ANKRD28: variants seen among roughly 807,000 people sequenced by gnomAD.
The protein encoded by ANKRD28 is ankyrin repeat domain 28, also known as serine/threonine-protein phosphatase 6 regulatory ankyrin repeat subunit A.
A neutral mutation model predicts 126.5 loss-of-function variants in ANKRD28; 44 were observed. That is an observed-to-expected ratio of 0.35 (90% CI 0.27 to 0.45). The LOEUF is 0.45. ANKRD28 is among the 20% of genes least tolerant of loss of function. The pLI is 1.00. For missense variants in ANKRD28, 1,110 were observed against 1,316.6 expected (o/e 0.84, Z 2.43); for synonymous variants, 442 against 468.5 (o/e 0.94, Z 0.73).
intron 8 of ANKRD28, among the ~76,000 whole-genome samples, chr3:15,715,752 T>C (rs1048266391): frequency 1.3e-5 from 2 of 152,192 alleles, no homozygotes; most frequent in East Asian, 3.8e-4. Flanking sequence ...TACATCTTAC[T>C]GGTCTGTTGT....
chr3:15,859,676 C>T (rs1464790030), exon 1 of ANKRD28: 1 of 158,230 alleles, frequency 6.3e-6, no homozygotes, highest in Non-Finnish European at 1.4e-5. Context: ...TCCTTCCTTT[C>T]TTTCTCCTTC....
At chr3:15,784,906 A>C (rs186962372) in intron 2 of ANKRD28, among the ~76,000 whole-genome samples, 38 of 152,162 alleles carry the variant, frequency 2.5e-4, no homozygotes, top group Admixed American at 2.5e-3. Flanking sequence ...GTCCAATATA[A>C]CTATTTTGGA....
intron 4 of ANKRD28, among the ~76,000 whole-genome samples, chr3:15,749,533 C>A (rs949857522): frequency 2.0e-5 from 3 of 152,172 alleles, no homozygotes; most frequent in African/African-American, 7.2e-5. Context: ...GCATCCATTG[C>A]TGGTGAGCTG....
chr3:15,762,700 G>C (rs150802813), intron 3 of ANKRD28, among the ~76,000 whole-genome samples: 109 of 151,872 alleles, frequency 7.2e-4, no homozygotes, highest in African/African-American at 2.4e-3. Flanking sequence ...GATAATTCCT[G>C]ATATCAAGGA....
intron 2 of ANKRD28, among the ~76,000 whole-genome samples, chr3:15,794,254 AATTC>A (rs1478355900): frequency 6.6e-6 from 1 of 152,154 alleles, no homozygotes; most frequent in African/African-American, 2.4e-5. Flanking sequence ...CTATTCAGAT[AATTC>A]ATTATTTTAA....
rs1243019829 is a variant in ANKRD28, at chr3:15,817,787, T to C, written c.28-22481A>G. Among the ~76,000 whole-genome samples the C allele has an allele frequency of 6.6e-6, 1 of 152,118 alleles. No homozygotes were observed. The highest frequency in any genetic ancestry group is 6.5e-5 in the Admixed American group (1 of 15,272). On this transcript the variant is annotated intron_variant, in intron 1 of 27. Coordinates refer to the ANKRD28 transcript ENST00000399451. This position sits in a 1 kb window ranked among gnomAD's most constrained non-coding sequence, Gnocchi z 4.5. Reference sequence around the variant, plus strand: ...CATATTGAAAGAAAGAGCACTGCCATAAGGGTAGAAGGAATAAGGGATATA... The same window carrying C: ...CATATTGAAAGAAAGAGCACTGCCACAAGGGTAGAAGGAATAAGGGATATA...
rs182701228 is a variant in ANKRD28 at position 15,818,063 on chromosome 3, T to C, written c.28-22757A>G. 2.1e-3 allele frequency among the ~76,000 whole-genome samples: 325 copies of C among 152,282 alleles called. 2 individuals carry two copies. The highest frequency in any genetic ancestry group is 3.7e-3 in the Non-Finnish European group (255 of 68,016). ...AATTCAACAAAATATGTACAGATTA[T>C]GTATGCTGAAAATCACAAAATACTG... is the stretch of plus-strand genomic sequence containing the variant. On this transcript the variant is annotated intron_variant, in intron 1 of 27. Coordinates refer to the ANKRD28 transcript ENST00000399451.
intron 12 of ANKRD28, 50 bp downstream of exon 12, chr3:15,711,161 G>T: frequency 1.4e-6 from 2 of 1,429,696 alleles, no homozygotes; most frequent in Non-Finnish European, 9.7e-7. Context: ...GAGAAAACCT[G>T]CCATGACCAG....
intron 1 of ANKRD28, among the ~76,000 whole-genome samples, chr3:15,850,204 A>AAAAAAATAT (rs1486394619): frequency 3.6e-5 from 2 of 54,830 alleles, no homozygotes; most frequent in African/African-American, 1.2e-4. Flanking sequence ...AAAAAAAAAA[A>AAAAAAATAT]ATATATATAT....
chr3:15,783,954 G>T (rs1255701142), intron 2 of ANKRD28, among the ~76,000 whole-genome samples: 1 of 151,714 alleles, frequency 6.6e-6, no homozygotes, highest in Non-Finnish European at 1.5e-5. Flanking sequence ...CCCACACAGG[G>T]GCTAAGATAA....
rs1034059058 is a variant in ANKRD28, at chr3:15,797,344, A to C, written c.-823T>G. 1.9e-5 allele frequency: 19 copies of C among 985,420 alleles called. No individual in the cohort carries two copies. The highest frequency in any genetic ancestry group is 2.2e-5 in the Non-Finnish European group (18 of 829,934). The allele number at this position is 985,420 out of a possible 1,614,324, so 61.0% of individuals were successfully genotyped here. A position where few individuals can be genotyped will look rare whatever the true frequency, so the allele number is the denominator to read the frequency against. The stretch of plus-strand genomic sequence containing the variant: ...TAATCCAGGTTTCCCATATAATAGA[A>C]GAAACACAGTTAGCTTTATTCCCAT... On this transcript the variant is annotated 5_prime_UTR_variant, in exon 1 of 28. Transcript: ENST00000683139.
upstream of ANKRD28, among the ~76,000 whole-genome samples, chr3:15,800,362 C>A (rs142024854): frequency 1.1e-3 from 168 of 152,190 alleles, 2 homozygotes; most frequent in Non-Finnish European, 6.8e-4. Context: ...ATTTAGTAAC[C>A]TCTCTGTGCT....
chr3:15,825,717 A>G (rs2061050936), intron 1 of ANKRD28, among the ~76,000 whole-genome samples: 1 of 152,192 alleles, frequency 6.6e-6, no homozygotes, highest in African/African-American at 2.4e-5. Flanking sequence ...GGTATAACAA[A>G]ACCAATAAAA....
intron 1 of ANKRD28, 147 bp downstream of exon 1, chr3:15,796,258 C>G: frequency 3.2e-6 from 1 of 310,510 alleles, no homozygotes; most frequent in Non-Finnish European, 5.3e-6. Flanking sequence ...GCATTTTATA[C>G]AAAAATACTG....
At chr3:15,823,578 G>A (rs956699426) in intron 1 of ANKRD28, among the ~76,000 whole-genome samples, 11 of 152,046 alleles carry the variant, frequency 7.2e-5, no homozygotes, top group Admixed American at 7.2e-4. Flanking sequence ...ATTTCTTGAG[G>A]CCAAAACTAG....
At chr3:15,677,935 C>G (rs2067123551) in intron 24 of ANKRD28, among the ~76,000 whole-genome samples, 1 of 152,116 alleles carries the variant, frequency 6.6e-6, no homozygotes, top group Admixed American at 6.5e-5. Context: ...GGTCATTTAG[C>G]TGAAAGATCT....
intron 3 of ANKRD28, among the ~76,000 whole-genome samples, chr3:15,764,782 T>C (rs1158967819): frequency 1.3e-5 from 2 of 152,184 alleles, no homozygotes; most frequent in East Asian, 1.9e-4. Context: ...AAATTTTAGC[T>C]GAAAATTAAT....
At chr3:15,859,215 G>A (rs978813278) in intron 1 of ANKRD28, among the ~76,000 whole-genome samples, 4 of 152,168 alleles carry the variant, frequency 2.6e-5, no homozygotes, top group African/African-American at 7.2e-5. Context: ...CGGGTCGCCC[G>A]CGGACCCCGG....
At chr3:15,704,182 T>C (rs1011946869) in intron 14 of ANKRD28, among the ~76,000 whole-genome samples, 2 of 152,150 alleles carry the variant, frequency 1.3e-5, no homozygotes, top group African/African-American at 4.8e-5. Context: ...TATATTTGTT[T>C]GCTGGATTCT....
Sources: gnomAD v4.1 joint callset for allele counts (sites outside exome capture counted in the v4.1 genomes callset) on GRCh38, gnomAD v4.1.1 for gene constraint, Gnocchi (gnomAD v3.1) non-coding constraint, MANE v1.5 for transcripts, NCBI Gene and HGNC (gene_info 2026-07-23, HGNC 2026-07-21) for gene names.